SYNJ1: variants seen among roughly 807,000 people sequenced by gnomAD.
The protein encoded by SYNJ1 is synaptojanin 1, also known as polyphosphatidylinositol phosphatase SYNJ1.
A neutral mutation model predicts 168.2 loss-of-function variants in SYNJ1; 78 were observed. The ratio of observed to expected loss-of-function variants is 0.46; its 90% CI spans 0.39 to 0.56. The LOEUF is 0.56. Among genes scored for constraint, SYNJ1 ranks in the 20% least tolerant of loss-of-function variants. The pLI is 0.00. For synonymous variants in SYNJ1, 539 were observed against 548.6 expected (o/e 0.98, Z 0.24); for missense variants, 1,303 against 1,597.6 (o/e 0.82, Z 3.14).
At chr21:32,645,896 T>C (rs1205074604) in intron 24 of SYNJ1, 107 bp from the exon 25 acceptor site, 3 of 1,464,104 alleles carry the variant, frequency 2.0e-6, no homozygotes, top group Non-Finnish European at 2.8e-6. Context: ...TGCACAATGG[T>C]GTAAAGAAAG....
Position 32,695,170 on chromosome 21 carries a change from G to T in SYNJ1, c.592C>A (p.Gln198Lys), listed in dbSNP as rs771210989. Residue 198 changes from glutamine (Q) to lysine (K), a missense_variant, in exon 5 of 33, where the codon CAG becomes AAG. Gln to Lys is a moderately conservative substitution (Grantham distance 53). Around this residue, in one of 2 missense-constraint regions of SYNJ1, gnomAD observed 920 missense variants for 1,208.8 expected, o/e 0.76. Transcript: ENST00000674351. Reference protein sequence around the residue: ...EIRTIYAAHKQAKACLISRLS... With the variant: ...EIRTIYAAHKKAKACLISRLS... ...CTTGAAATGAGGCAAGCCTTCGCCT[G>T]TTTATGAGCAGCATAAATTGTTCTG... 1.2e-6 allele frequency: 2 copies of T among 1,614,016 alleles called. No individual in the cohort carries two copies. The highest frequency in any genetic ancestry group is 1.7e-6 in the Non-Finnish European group (2 of 1,180,026).
intron 31 of SYNJ1, among the ~76,000 whole-genome samples, chr21:32,637,439 C>T (rs1266199454): frequency 7.7e-6 from 1 of 129,634 alleles, no homozygotes; most frequent in South Asian, 2.4e-4. Flanking sequence ...GATGGAGTCT[C>T]GCTCTGTCAC....
chr21:32,654,388 T>C (rs968163702), intron 21 of SYNJ1, among the ~76,000 whole-genome samples: 40 of 152,304 alleles, frequency 2.6e-4, no homozygotes, highest in Admixed American at 2.0e-3. Flanking sequence ...GGCATAAAAC[T>C]AAATTGCAGG....
At chr21:32,705,161 A>G (rs1356510928) in intron 2 of SYNJ1, among the ~76,000 whole-genome samples, 1 of 151,968 alleles carries the variant, frequency 6.6e-6, no homozygotes, top group African/African-American at 2.4e-5. Context: ...AAAAAAAAAA[A>G]AGAATTGGAG....
Position 32,628,868 on chromosome 21 carries a change from TTATAAA to T in SYNJ1, c.*2931_*2936del, listed in dbSNP as rs2039218038. 1 of 152,662 alleles carries T rather than the reference TTATAAA, an allele frequency of 6.6e-6. No individual in the cohort carries two copies. The highest frequency in any genetic ancestry group is 1.5e-5 in the Non-Finnish European group (1 of 68,038). The allele number at this position is 152,662 out of a possible 1,614,324, so 9.5% of individuals were successfully genotyped here. On this transcript the variant is annotated 3_prime_UTR_variant, in exon 33 of 33. Transcript: ENST00000674351. ...TACTGTACTTCTATAAAGTTTATAG[TTATAAA>T]TATTGTATGCCACATAAGCAATAAA... is the stretch of plus-strand genomic sequence containing the variant.
intron 2 of SYNJ1, among the ~76,000 whole-genome samples, chr21:32,720,100 G>A (rs1402225957): frequency 2.0e-5 from 3 of 152,048 alleles, no homozygotes; most frequent in South Asian, 2.1e-4. Context: ...TTAGCTGGGC[G>A]TGGTGCCACA....
At chr21:32,633,006 A>G (rs1472423994) in intron 32 of SYNJ1, among the ~76,000 whole-genome samples, 2 of 152,124 alleles carry the variant, frequency 1.3e-5, no homozygotes, top group Non-Finnish European at 2.9e-5. Context: ...GGCAAGAGCA[A>G]AACTCCGCCT....
intron 1 of SYNJ1, among the ~76,000 whole-genome samples, chr21:32,727,556 G>T (rs575633303): frequency 3.9e-5 from 6 of 152,256 alleles, no homozygotes; most frequent in African/African-American, 1.4e-4. Context: ...CACGACTCGG[G>T]GCACCGACCC....
intron 23 of SYNJ1, among the ~76,000 whole-genome samples, chr21:32,648,695 GTC>G (rs2040163534): frequency 1.3e-5 from 2 of 152,024 alleles, no homozygotes; most frequent in African/African-American, 4.8e-5. Flanking sequence ...ATTCTCTTCT[GTC>G]TCGTCATAAT....
chr21:32,726,131 C>T (rs2043443837), intron 2 of SYNJ1, among the ~76,000 whole-genome samples: 2 of 152,262 alleles, frequency 1.3e-5, no homozygotes, highest in African/African-American at 2.4e-5. Flanking sequence ...TGAGCCCCCA[C>T]ACCTGGCATA....
chr21:32,686,930 T>G, intron 8 of SYNJ1, 48 bp downstream of exon 8: 1 of 1,211,578 alleles, frequency 8.3e-7, no homozygotes, highest in Non-Finnish European at 1.2e-6. Flanking sequence ...TTTAATACCA[T>G]TCTAGGTGTC....
chr21:32,679,861 G>A (rs1400761755), intron 11 of SYNJ1, among the ~76,000 whole-genome samples: 2 of 151,956 alleles, frequency 1.3e-5, no homozygotes, highest in Non-Finnish European at 2.9e-5. Context: ...CAGAGAAAAG[G>A]AAAAGAAAGA....
chr21:32,712,890 A>G (rs2042878169), intron 2 of SYNJ1, among the ~76,000 whole-genome samples: 1 of 152,212 alleles, frequency 6.6e-6, no homozygotes, highest in Admixed American at 6.5e-5. Flanking sequence ...TTCAGGCGAC[A>G]TACGTATATA....
At chr21:32,640,981 G>GA (rs1344323092) in intron 29 of SYNJ1, among the ~76,000 whole-genome samples, 1 of 152,116 alleles carries the variant, frequency 6.6e-6, no homozygotes, top group Non-Finnish European at 1.5e-5. Flanking sequence ...GTGGTCATGG[G>GA]ATCAGTGAAT....
chr21:32,713,911 C>A (rs2042930297), intron 2 of SYNJ1, among the ~76,000 whole-genome samples: 2 of 152,304 alleles, frequency 1.3e-5, no homozygotes, highest in African/African-American at 4.8e-5. Context: ...TAGTGATTAT[C>A]TTTGCAGATC....
At chr21:32,651,381 A>G (rs2145816467) in intron 22 of SYNJ1, among the ~76,000 whole-genome samples, 1 of 152,348 alleles carries the variant, frequency 6.6e-6, no homozygotes, top group East Asian at 1.9e-4. Flanking sequence ...AGGCATAATA[A>G]TGGAGAGGTT....
intron 25 of SYNJ1, 135 bp from the exon 26 acceptor site, chr21:32,645,141 C>T (rs112070893): frequency 1.3e-6 from 1 of 793,344 alleles, no homozygotes; most frequent in African/African-American, 1.8e-5. Context: ...ACTACAAAAA[C>T]TATTATTCAA....
At chr21:32,680,850 C>T (rs986784827) in intron 11 of SYNJ1, among the ~76,000 whole-genome samples, 8 of 152,178 alleles carry the variant, frequency 5.3e-5, no homozygotes, top group African/African-American at 1.9e-4. Flanking sequence ...CTCCTGGTCT[C>T]AAGTGATCCA....
chr21:32,642,421 T>C (rs1216885904), intron 27 of SYNJ1, among the ~76,000 whole-genome samples: 1 of 3,442 alleles, frequency 2.9e-4, no homozygotes, highest in Non-Finnish European at 4.1e-4. Flanking sequence ...GCATTCCCCA[T>C]AGAACTCTCT....
Sources: gnomAD v4.1 joint callset for allele counts (sites outside exome capture counted in the v4.1 genomes callset) on GRCh38, gnomAD v4.1.1 for gene constraint, gnomAD v4.1.1 regional missense constraint, MANE v1.5 for transcripts, NCBI Gene and HGNC (gene_info 2026-07-23, HGNC 2026-07-21) for gene names.